The following TLL1 variants were observed in gnomAD, a reference collection of about 807,000 sequenced individuals.
TLL1 encodes the protein tolloid-like protein 1.
TLL1 carries 49 observed loss-of-function variants against 128.2 expected under a neutral mutation model. The ratio of observed to expected loss-of-function variants is 0.38; its 90% confidence interval spans 0.30 to 0.48. TLL1 has a LOEUF of 0.48. Ranked by LOEUF, TLL1 falls within the 20% of genes least tolerant of loss-of-function variation. The pLI, the probability that TLL1 is intolerant of heterozygous loss-of-function variation, is 0.96. For missense variants in TLL1, 1,123 were observed against 1,242.0 expected, an observed-to-expected ratio of 0.90 and a Z score of 1.44; for synonymous variants, 454 against 418.8, an observed-to-expected ratio of 1.08 and a Z score of -1.03.
At chr4:165,877,050 T>G (rs1730752220) in intron 1 of TLL1, among the ~76,000 whole-genome samples, 1 of 152,240 alleles carries the variant, frequency 6.6e-6, no homozygotes, top group South Asian at 2.1e-4. Flanking sequence ...ACAAACTTTT[T>G]TCTAAACAAG....
At chr4:165,920,777 C>A (rs984695843) in intron 1 of TLL1, among the ~76,000 whole-genome samples, 3 of 152,020 alleles carry the variant, frequency 2.0e-5, no homozygotes, top group Non-Finnish European at 4.4e-5. Flanking sequence ...ATGTGAGGAT[C>A]ATTTATCTAG....
chr4:166,055,994 T>G (rs1739987278), intron 13 of TLL1, among the ~76,000 whole-genome samples: 1 of 152,122 alleles, frequency 6.6e-6, no homozygotes, highest in Non-Finnish European at 1.5e-5. Flanking sequence ...GGATAAAGGA[T>G]TCGATTGTGT....
Position 166,102,993 on chromosome 4 carries a change from G to T in TLL1, c.*2117G>T, listed in dbSNP as rs1320784116. The T allele has an allele frequency of 6.6e-6, 1 of 151,890 alleles. No individual in the cohort carries two copies. Among genetic ancestry groups the T allele is most frequent in the Non-Finnish European group, 1.5e-5 (1 of 67,886 alleles). 9.4% of individuals were successfully genotyped at this position (151,890 alleles called of 1,614,324 possible). ...TGTTCTATACTACTCCTACCCGTGT[G>T]CTAGGAATGTGCACTAGCTCTTTTT... On this transcript the variant is annotated 3_prime_UTR_variant, in exon 21 of 21. Coordinates refer to ENST00000061240, the MANE Select transcript of TLL1 (RefSeq NM_012464.5).
chr4:166,092,592 TAATC>T (rs1264398174), intron 19 of TLL1, among the ~76,000 whole-genome samples: 4 of 152,100 alleles, frequency 2.6e-5, no homozygotes, highest in Non-Finnish European at 5.9e-5. Context: ...TCCTATTACT[TAATC>T]AATATTTCAC....
At chr4:165,908,582 C>CAAA (rs575726410) in intron 1 of TLL1, among the ~76,000 whole-genome samples, 2 of 63,566 alleles carry the variant, frequency 3.1e-5, no homozygotes, top group Admixed American at 1.7e-4. Flanking sequence ...GACCCTGTCT[C>CAAA]AAAAAAAAAA....
At chr4:166,005,627 G>T (rs553564441) in intron 6 of TLL1, among the ~76,000 whole-genome samples, 2 of 151,810 alleles carry the variant, frequency 1.3e-5, no homozygotes, top group African/African-American at 4.8e-5. Context: ...ATCAAGATTC[G>T]TCCTATATAC....
chr4:165,879,998 A>G (rs1250843761), intron 1 of TLL1, among the ~76,000 whole-genome samples: 1 of 152,172 alleles, frequency 6.6e-6, no homozygotes, highest in Non-Finnish European at 1.5e-5. Flanking sequence ...TGGCAGAATG[A>G]TTTAGCAATA....
intron 3 of TLL1, 38 bp downstream of exon 3, chr4:165,992,922 T>C (rs200217590): frequency 1.3e-6 from 2 of 1,507,862 alleles, no homozygotes; most frequent in East Asian, 4.5e-5. Flanking sequence ...CTTGACTTGA[T>C]GTACAGTAAA....
chr4:166,057,154 G>A (rs1282863173), intron 13 of TLL1, 30 bp from the exon 14 acceptor site: 2 of 1,613,004 alleles, frequency 1.2e-6, no homozygotes, highest in Admixed American at 1.7e-5. Context: ...TATATGTATA[G>A]TTGTTCTATA....
intron 1 of TLL1, among the ~76,000 whole-genome samples, chr4:165,886,698 T>G (rs1322772601): frequency 6.6e-6 from 1 of 152,216 alleles, no homozygotes; most frequent in Non-Finnish European, 1.5e-5. Context: ...TAACACTTAA[T>G]ACAATATAAA....
At chr4:165,967,823 T>A (rs1735460819) in intron 1 of TLL1, among the ~76,000 whole-genome samples, 1 of 152,200 alleles carries the variant, frequency 6.6e-6, no homozygotes, top group Admixed American at 6.5e-5. Flanking sequence ...AGTAGAGCAA[T>A]GCAAAGCTGA....
intron 1 of TLL1, among the ~76,000 whole-genome samples, chr4:165,983,506 AATATTTTC>A: frequency 6.6e-6 from 1 of 151,990 alleles, no homozygotes; most frequent in Non-Finnish European, 1.5e-5. Context: ...TTTATTATCA[AATATTTTC>A]ATATTCTGGC....
intron 15 of TLL1, among the ~76,000 whole-genome samples, chr4:166,063,451 G>T (rs1419968469): frequency 1.3e-5 from 2 of 152,146 alleles, no homozygotes; most frequent in Non-Finnish European, 2.9e-5. Flanking sequence ...CAAGGATCTA[G>T]AACTAGAAAT....
intron 7 of TLL1, among the ~76,000 whole-genome samples, chr4:166,009,854 C>A (rs1737605306): frequency 6.6e-6 from 1 of 150,966 alleles, no homozygotes; most frequent in Non-Finnish European, 1.5e-5. Flanking sequence ...ATTTACTGTC[C>A]TAACCATTTT....
At chr4:166,077,367 G>A (rs1035543999) in intron 17 of TLL1, among the ~76,000 whole-genome samples, 1 of 151,806 alleles carries the variant, frequency 6.6e-6, no homozygotes, top group African/African-American at 2.4e-5. Flanking sequence ...ATAAAATTAG[G>A]GCTAATTTAT....
intron 1 of TLL1, among the ~76,000 whole-genome samples, chr4:165,974,823 A>G (rs114326591): frequency 0.034 from 5,252 of 152,278 alleles, 283 homozygotes; most frequent in African/African-American, 0.12. Flanking sequence ...ATACCGTGGC[A>G]GTACCTGCTT....
chr4:165,905,035 G>A (rs934250779), intron 1 of TLL1, among the ~76,000 whole-genome samples: 1 of 152,088 alleles, frequency 6.6e-6, no homozygotes, highest in Non-Finnish European at 1.5e-5. Flanking sequence ...CAAAATACTG[G>A]ACCAGTACCC....
At chr4:166,016,036 C>A (rs1296305565) in intron 8 of TLL1, among the ~76,000 whole-genome samples, 2 of 151,712 alleles carry the variant, frequency 1.3e-5, no homozygotes, top group African/African-American at 4.8e-5. Flanking sequence ...TATATGTCTG[C>A]CTAATTTTTC....
chr4:165,899,664 A>C (rs2110849126), intron 1 of TLL1, among the ~76,000 whole-genome samples: 1 of 152,250 alleles, frequency 6.6e-6, no homozygotes, highest in East Asian at 1.9e-4. Flanking sequence ...TTTTAGAATA[A>C]GTGTGATGTG....
Sources: allele counts gnomAD v4.1 joint callset (sites outside exome capture counted in the v4.1 genomes callset), GRCh38; gene constraint gnomAD v4.1.1; transcripts MANE v1.5; gene names NCBI Gene and HGNC (gene_info 2026-07-23, HGNC 2026-07-21).